The following LAMA2 variants were observed in gnomAD, a reference collection of about 807,000 sequenced individuals.
LAMA2 encodes laminin subunit alpha 2, also known as laminin subunit alpha-2.
LAMA2 carries 269 observed loss-of-function variants against 364.8 expected under a neutral mutation model. The ratio of observed to expected loss-of-function variants is 0.74; its 90% CI spans 0.67 to 0.82. LAMA2 has a LOEUF of 0.82. Among genes scored for constraint, LAMA2 ranks in the 40% least tolerant of loss-of-function variants. The pLI, the probability that LAMA2 is intolerant of heterozygous loss-of-function variation, is 0.00. For missense variants in LAMA2, 3,807 were observed against 3,873.2 expected, an observed-to-expected ratio of 0.98 and a Z score of 0.45; for synonymous variants, 1,379 against 1,370.6, an observed-to-expected ratio of 1.01 and a Z score of -0.14.
At chr6:129,260,275 T>A (rs1271644696) in intron 14 of LAMA2, among the ~76,000 whole-genome samples, 1 of 152,170 alleles carries the variant, frequency 6.6e-6, no homozygotes, top group South Asian at 2.1e-4. Flanking sequence ...ATTGTTTCCA[T>A]CTTTTATTTC....
chr6:129,302,187 C>T (rs1250140039), intron 22 of LAMA2, among the ~76,000 whole-genome samples: 1 of 152,076 alleles, frequency 6.6e-6, no homozygotes. Context: ...TCTTTGCCAA[C>T]TCTTGGACTT....
chr6:129,035,094 C>A (rs1786521844), intron 1 of LAMA2, among the ~76,000 whole-genome samples: 1 of 152,060 alleles, frequency 6.6e-6, no homozygotes, highest in Non-Finnish European at 1.5e-5. Context: ...AATTTACATT[C>A]CCACCAGCAG....
chr6:129,050,509 A>G (rs1787924078), intron 2 of LAMA2, among the ~76,000 whole-genome samples: 1 of 152,180 alleles, frequency 6.6e-6, no homozygotes. Flanking sequence ...AAGAATGAGC[A>G]CAGCGTTCTG....
intron 3 of LAMA2, among the ~76,000 whole-genome samples, chr6:129,063,822 G>A (rs1789099745): frequency 6.6e-6 from 1 of 152,134 alleles, no homozygotes; most frequent in African/African-American, 2.4e-5. Flanking sequence ...TTTAGGAGGA[G>A]GATAAACTAC....
intron 1 of LAMA2, among the ~76,000 whole-genome samples, chr6:128,984,667 T>C (rs949973032): frequency 1.3e-5 from 2 of 151,488 alleles, no homozygotes; most frequent in Non-Finnish European, 2.9e-5. Context: ...TTTTTTTTTT[T>C]TTTGCAATGG....
chr6:129,237,089 T>A (rs1785045497), intron 12 of LAMA2, among the ~76,000 whole-genome samples: 2 of 152,180 alleles, frequency 1.3e-5, no homozygotes, highest in Admixed American at 1.3e-4. Context: ...TCCCTCATCT[T>A]TAAAATCAAT....
chr6:129,032,172 G>A (rs1356344914), intron 1 of LAMA2, among the ~76,000 whole-genome samples: 2 of 152,140 alleles, frequency 1.3e-5, no homozygotes, highest in African/African-American at 4.8e-5. Flanking sequence ...CCTGTGGTAG[G>A]CTCTGAGAAT....
chr6:129,379,302 A>G (rs1291926455), intron 34 of LAMA2, among the ~76,000 whole-genome samples: 4 of 151,808 alleles, frequency 2.6e-5, no homozygotes, highest in Admixed American at 6.6e-5. Flanking sequence ...TAATCTGTGC[A>G]ACAAACCCCA....
chr6:128,884,713 T>C (rs995836650), intron 1 of LAMA2, among the ~76,000 whole-genome samples: 18 of 152,200 alleles, frequency 1.2e-4, no homozygotes, highest in African/African-American at 4.3e-4. Flanking sequence ...AGAGTGATTT[T>C]AAGAGTATCT....
chr6:129,092,967 T>C (rs1028851958), intron 3 of LAMA2, among the ~76,000 whole-genome samples: 3 of 152,094 alleles, frequency 2.0e-5, no homozygotes, highest in Admixed American at 6.5e-5. Context: ...CAATACTCTT[T>C]AGTAGCATTT....
intron 10 of LAMA2, among the ~76,000 whole-genome samples, chr6:129,183,570 T>G (rs1781056134): frequency 6.6e-6 from 1 of 151,952 alleles, no homozygotes; most frequent in African/African-American, 2.4e-5. Context: ...TTGCTTAAAT[T>G]TCTTGAGTCT....
Position 128,928,633 on chromosome 6 carries a change from C to G in LAMA2, c.112+45276C>G, listed in dbSNP as rs1196692492. The stretch of plus-strand genomic sequence containing the variant: ...GGGGCTGTGCCAGAAATGAGCACTT[C>G]TAAGTATTTCAGAGAAGTCCAAAGT... On this transcript the variant is annotated intron_variant, in intron 1 of 64. Transcript: ENST00000421865. Among the ~76,000 whole-genome samples the G allele has an allele frequency of 3.9e-5, 6 of 152,248 alleles. No individual in the cohort carries two copies. In the East Asian group the frequency reaches 1.2e-3, roughly 29 times the overall value.
chr6:129,475,517 A>T, intron 53 of LAMA2, 116 bp downstream of exon 53: 1 of 714,856 alleles, frequency 1.4e-6, no homozygotes, highest in Non-Finnish European at 2.4e-6. Context: ...TGTTCATAGT[A>T]TGTTTCACGA....
intron 17 of LAMA2, among the ~76,000 whole-genome samples, chr6:129,276,949 T>G (rs1788370534): frequency 1.3e-5 from 2 of 152,170 alleles, no homozygotes; most frequent in African/African-American, 4.8e-5. Context: ...CACATGTATG[T>G]ACACATATAT....
intron 40 of LAMA2, among the ~76,000 whole-genome samples, chr6:129,414,885 ATAT>A (rs1295111698): frequency 6.6e-6 from 1 of 152,224 alleles, no homozygotes; most frequent in Non-Finnish European, 1.5e-5. Context: ...TCTCTTAGTA[ATAT>A]TATTGTGCCA....
chr6:129,190,244 G>A lies in LAMA2; in HGVS notation c.1507G>A (p.Gly503Ser), dbSNP rs375232037. The change falls in exon 11 of 65, where the codon GGC (glycine) becomes AGC (serine). Residue 503 changes from glycine (G) to serine (S), a missense_variant. Coordinates refer to ENST00000421865, the MANE Select transcript of LAMA2 (RefSeq NM_000426.4). Reference sequence around the variant, plus strand: ...AGGAGACTGTAGTCGTTGCAAATCCGGCTTCTTCAATTTGCAAGAGGATAA... The same window carrying A: ...AGGAGACTGTAGTCGTTGCAAATCCAGCTTCTTCAATTTGCAAGAGGATAA... Reference protein sequence around the residue: ...EGGDCSRCKSGFFNLQEDNWK... With the variant: ...EGGDCSRCKSSFFNLQEDNWK... 4.3e-6 allele frequency: 7 copies of A among 1,613,540 alleles called. No individual in the cohort carries two copies. The African/African-American group carries it at 5.3e-5, about 12-fold the overall frequency.
intron 37 of LAMA2, among the ~76,000 whole-genome samples, chr6:129,396,797 G>A (rs1779661376): frequency 6.6e-6 from 1 of 151,976 alleles, no homozygotes; most frequent in South Asian, 2.1e-4. Flanking sequence ...GCAACATGGT[G>A]ACACCCTATC....
chr6:129,242,079 T>G (rs1275882675), intron 12 of LAMA2, among the ~76,000 whole-genome samples: 1 of 152,130 alleles, frequency 6.6e-6, no homozygotes, highest in African/African-American at 2.4e-5. Flanking sequence ...ATTTAGCACT[T>G]TAGGCCATAT....
intron 22 of LAMA2, among the ~76,000 whole-genome samples, chr6:129,306,313 C>CTTTTTTTT (rs11315443): frequency 1.6e-4 from 11 of 70,402 alleles, no homozygotes; most frequent in African/African-American, 2.1e-4. Context: ...TAATTTTTTC[C>CTTTTTTTT]TTTTTTTTTT....
Sources: gnomAD v4.1 joint callset for allele counts (sites outside exome capture counted in the v4.1 genomes callset) on GRCh38, gnomAD v4.1.1 for gene constraint, MANE v1.5 for transcripts, NCBI Gene and HGNC (gene_info 2026-07-23, HGNC 2026-07-21) for gene names.